SPAG17: variants seen among roughly 807,000 people sequenced by gnomAD.
SPAG17 encodes sperm-associated antigen 17.
SPAG17 carries 169 observed loss-of-function variants against 273.6 expected under a neutral mutation model. That is an observed-to-expected ratio of 0.62 (90% CI 0.55 to 0.70). SPAG17 has a LOEUF of 0.70. Among genes scored for constraint, SPAG17 ranks in the 30% least tolerant of loss-of-function variants. The pLI is 0.00. For missense variants in SPAG17, 2,557 were observed against 2,627.8 expected, an observed-to-expected ratio of 0.97 and a Z score of 0.59; for synonymous variants, 825 against 873.2, an observed-to-expected ratio of 0.94 and a Z score of 0.97.
intron 3 of SPAG17, among the ~76,000 whole-genome samples, chr1:118,146,990 A>C (rs1659036247): frequency 1.3e-5 from 2 of 151,984 alleles, no homozygotes; most frequent in African/African-American, 4.8e-5. Flanking sequence ...GCTAATGATA[A>C]TCTCATCTTC....
At chr1:118,073,829 C>T in intron 17 of SPAG17, 25 bp downstream of exon 17, 1 of 1,513,878 alleles carries the variant, frequency 6.6e-7, no homozygotes, top group Non-Finnish European at 9.0e-7. Context: ...TGACCGTCTC[C>T]TAGAGAATCA....
intron 1 of SPAG17, among the ~76,000 whole-genome samples, chr1:118,176,913 C>A (rs576684429): frequency 6.6e-6 from 1 of 152,012 alleles, no homozygotes; most frequent in Non-Finnish European, 1.5e-5. Context: ...AAAAACTACA[C>A]AAACACATGG....
At chr1:118,051,807 TACTATTATAATATATGA>T (rs908724280) in intron 20 of SPAG17, among the ~76,000 whole-genome samples, 2 of 141,560 alleles carry the variant, frequency 1.4e-5, no homozygotes, top group African/African-American at 5.2e-5. Context: ...ATATAATATA[TACTATTATAATATATGA>T]ACTATTATAA....
At chr1:118,015,141 C>T (rs997975969) in intron 29 of SPAG17, among the ~76,000 whole-genome samples, 3 of 151,852 alleles carry the variant, frequency 2.0e-5, no homozygotes, top group East Asian at 1.9e-4. Context: ...AAAAATTAGC[C>T]GGGCGTGGTG....
intron 1 of SPAG17, among the ~76,000 whole-genome samples, chr1:118,176,625 C>T (rs952004399): frequency 2.0e-5 from 3 of 152,072 alleles, no homozygotes; most frequent in Non-Finnish European, 4.4e-5. Flanking sequence ...GACCTATTGT[C>T]GGTAATGGAC....
At chr1:118,030,144 A>C (rs1648269254) in intron 25 of SPAG17, among the ~76,000 whole-genome samples, 1 of 152,122 alleles carries the variant, frequency 6.6e-6, no homozygotes, top group African/African-American at 2.4e-5. Flanking sequence ...TAACACTTGA[A>C]CATTTTTACT....
At chr1:117,993,633 T>A (rs570170882) in intron 35 of SPAG17, among the ~76,000 whole-genome samples, 1 of 152,336 alleles carries the variant, frequency 6.6e-6, no homozygotes, top group Admixed American at 6.5e-5. Context: ...GTTCATCATT[T>A]GTGTTTGCTA....
At chr1:118,144,236 G>GC (rs1658843220) in intron 3 of SPAG17, among the ~76,000 whole-genome samples, 1 of 152,176 alleles carries the variant, frequency 6.6e-6, no homozygotes, top group South Asian at 2.1e-4. Flanking sequence ...CTGACCTTCT[G>GC]CCCCTCAGTG....
chr1:118,090,879 T>C (rs937044399), intron 10 of SPAG17, among the ~76,000 whole-genome samples: 1 of 152,020 alleles, frequency 6.6e-6, no homozygotes, highest in Non-Finnish European at 1.5e-5. Flanking sequence ...AGAGACCCTG[T>C]CTTAAAAATA....
At chr1:118,005,671 A>G (rs1382216301) in intron 31 of SPAG17, 69 bp from the exon 32 acceptor site, 2 of 1,148,812 alleles carry the variant, frequency 1.7e-6, no homozygotes, top group Non-Finnish European at 2.3e-6. Flanking sequence ...TTGGAAAACC[A>G]TTTTAGGAGA....
intron 3 of SPAG17, among the ~76,000 whole-genome samples, chr1:118,130,166 T>C (rs1657979497): frequency 1.3e-5 from 2 of 152,168 alleles, no homozygotes; most frequent in Non-Finnish European, 2.9e-5. Context: ...ACAGGGTATG[T>C]CTCCTGGCTG....
At chr1:118,029,537 G>C (rs554008736) in intron 25 of SPAG17, among the ~76,000 whole-genome samples, 6 of 152,162 alleles carry the variant, frequency 3.9e-5, no homozygotes, top group African/African-American at 1.4e-4. Flanking sequence ...TGCTTTTGTA[G>C]CAAATGAAAG....
intron 32 of SPAG17, among the ~76,000 whole-genome samples, chr1:118,000,333 A>G (rs535141829): frequency 2.0e-5 from 3 of 152,278 alleles, no homozygotes; most frequent in South Asian, 4.1e-4. Flanking sequence ...TATAAACTTT[A>G]AAGTAGTTTT....
At chr1:118,155,887 G>C (rs1299889679) in intron 1 of SPAG17, among the ~76,000 whole-genome samples, 1 of 152,210 alleles carries the variant, frequency 6.6e-6, no homozygotes, top group Non-Finnish European at 1.5e-5. Context: ...TCAGCAAGGA[G>C]TGTTGGTATG....
chr1:118,069,632 A>G (rs2995520), intron 17 of SPAG17, among the ~76,000 whole-genome samples: 2 of 152,298 alleles, frequency 1.3e-5, no homozygotes, highest in East Asian at 1.9e-4. Context: ...TGAGTAAGGT[A>G]TAATAATGTG....
At chr1:118,176,823 TAA>T (rs1178628621) in intron 1 of SPAG17, among the ~76,000 whole-genome samples, 1 of 152,102 alleles carries the variant, frequency 6.6e-6, no homozygotes, top group Non-Finnish European at 1.5e-5. Context: ...TTCAACAAAT[TAA>T]AAAGAGTGGA....
At chr1:117,955,472 C>A in intron 48 of SPAG17, 1 of 975,432 alleles carries the variant, frequency 1.0e-6, no homozygotes, top group Non-Finnish European at 1.5e-6. Context: ...ATAGGTTTAA[C>A]TATATCAAAG....
At chr1:117,982,084 C>T (rs893406046) in intron 42 of SPAG17, among the ~76,000 whole-genome samples, 11 of 152,058 alleles carry the variant, frequency 7.2e-5, no homozygotes, top group African/African-American at 2.7e-4. Context: ...ATTTCTGATC[C>T]CTGATTTCTC....
chr1:117,999,625 CTTT>C (rs1359652105), intron 32 of SPAG17, among the ~76,000 whole-genome samples: 8 of 152,184 alleles, frequency 5.3e-5, no homozygotes, highest in African/African-American at 1.9e-4. Flanking sequence ...TAAATGTCTT[CTTT>C]TGAGAAGTGT....
Sources: gnomAD v4.1 joint callset for allele counts (sites outside exome capture counted in the v4.1 genomes callset) on GRCh38, gnomAD v4.1.1 for gene constraint, MANE v1.5 for transcripts, NCBI Gene and HGNC (gene_info 2026-07-23, HGNC 2026-07-21) for gene names.